Variants in CSMD1 observed in about 807,000 individuals in gnomAD.
CSMD1 encodes the protein CUB and sushi domain-containing protein 1.
Under a neutral mutation model 417.5 loss-of-function variants are expected in CSMD1, and 213 were observed. That is an observed-to-expected ratio of 0.51 (90% CI 0.46 to 0.57). The LOEUF (loss-of-function observed/expected upper bound fraction) is 0.57, where lower values mean the gene tolerates loss of function less well. CSMD1 is among the 20% of genes least tolerant of loss of function. The pLI, the probability that CSMD1 is intolerant of heterozygous loss-of-function variation, is 0.00. For synonymous variants in CSMD1, 2,862 were observed against 1,736.8 expected, an observed-to-expected ratio of 1.65 and a Z score of -16.11; for missense variants, 6,923 against 4,529.7, an observed-to-expected ratio of 1.53 and a Z score of -15.17.
At chr8:4,156,452 G>A (rs1157065947) in intron 3 of CSMD1, among the ~76,000 whole-genome samples, 1 of 152,054 alleles carries the variant, frequency 6.6e-6, no homozygotes, top group African/African-American at 2.4e-5. Context: ...ATATGCTATT[G>A]GTGCTAACTC....
chr8:4,277,478 T>TA (rs765996113), intron 3 of CSMD1, among the ~76,000 whole-genome samples: 2 of 152,112 alleles, frequency 1.3e-5, no homozygotes, highest in Non-Finnish European at 2.9e-5. Context: ...TGTACCGTCT[T>TA]AAAAAAGCAT....
chr8:3,464,220 A>G (rs1004461461), intron 12 of CSMD1, among the ~76,000 whole-genome samples: 1 of 152,060 alleles, frequency 6.6e-6, no homozygotes, highest in South Asian at 2.1e-4. Context: ...TTTTTTTTGT[A>G]ACCAAAAATG....
intron 3 of CSMD1, among the ~76,000 whole-genome samples, chr8:4,167,093 T>C (rs115907927): frequency 0.011 from 1,703 of 152,244 alleles, 30 homozygotes; most frequent in African/African-American, 0.038. Flanking sequence ...TGTAGATAAA[T>C]GTAAAACCCT....
intron 3 of CSMD1, among the ~76,000 whole-genome samples, chr8:4,409,044 G>T (rs1299019695): frequency 6.6e-6 from 1 of 152,056 alleles, no homozygotes; most frequent in Non-Finnish European, 1.5e-5. Context: ...TTGTCATTTG[G>T]GTGCACATTC....
chr8:4,429,186 A>T (rs1162505727), intron 2 of CSMD1, among the ~76,000 whole-genome samples: 1 of 151,262 alleles, frequency 6.6e-6, no homozygotes, highest in Non-Finnish European at 1.5e-5. Flanking sequence ...AATTGGATAG[A>T]ATTCTAAAAG....
chr8:4,433,375 C>T (rs6558881), intron 2 of CSMD1, among the ~76,000 whole-genome samples: 3,718 of 152,196 alleles, frequency 0.024, 154 homozygotes, highest in African/African-American at 0.084. Flanking sequence ...ATATCATGGA[C>T]ATGACATCAT....
chr8:4,168,265 G>T (rs1007765681), intron 3 of CSMD1, among the ~76,000 whole-genome samples: 8 of 151,252 alleles, frequency 5.3e-5, no homozygotes, highest in Non-Finnish European at 1.2e-4. Context: ...ATGGTAGGAT[G>T]CACCTGTACT....
intron 25 of CSMD1, among the ~76,000 whole-genome samples, chr8:3,290,635 T>C (rs534666202): frequency 4.1e-5 from 6 of 147,436 alleles, no homozygotes; most frequent in Admixed American, 6.7e-5. Flanking sequence ...TTGTCTGTTA[T>C]TGGCGTATGA....
chr8:3,974,745 G>C (rs1813314643), intron 5 of CSMD1, among the ~76,000 whole-genome samples: 1 of 151,364 alleles, frequency 6.6e-6, no homozygotes, highest in South Asian at 2.1e-4. Flanking sequence ...ACTAAATTTT[G>C]GTATACTTAC....
Position 4,471,452 on chromosome 8 carries a change from C to T in CSMD1, c.303-51387G>A, listed in dbSNP as rs547646765. Among the ~76,000 whole-genome samples the T allele has an allele frequency of 7.9e-5, 12 of 152,098 alleles. No homozygotes were observed. The South Asian group carries it at 2.3e-3, about 29-fold the overall frequency. On this transcript the variant is annotated intron_variant, in intron 2 of 69. Coordinates refer to ENST00000635120, the MANE Select transcript of CSMD1 (RefSeq NM_033225.6). ...AGCACGTAGCTGTCAGCAAGCCTCT[C>T]GACAAAATCATTCACAAGATGCATG...
intron 3 of CSMD1, among the ~76,000 whole-genome samples, chr8:4,281,672 C>T (rs1319039883): frequency 2.0e-5 from 3 of 152,092 alleles, no homozygotes; most frequent in Non-Finnish European, 2.9e-5. Flanking sequence ...TATATAGTAA[C>T]ATCTGTATGT....
intron 4 of CSMD1, among the ~76,000 whole-genome samples, chr8:4,004,086 G>C (rs923457044): frequency 6.6e-6 from 1 of 151,926 alleles, no homozygotes; most frequent in Non-Finnish European, 1.5e-5. Context: ...TGAAAAAGCA[G>C]AACAAATTTA....
chr8:3,424,283 G>C (rs1813681587), intron 12 of CSMD1, among the ~76,000 whole-genome samples: 1 of 152,050 alleles, frequency 6.6e-6, no homozygotes, highest in Non-Finnish European at 1.5e-5. Context: ...CAAAAGCCAG[G>C]TATTGCCTAG....
intron 3 of CSMD1, among the ~76,000 whole-genome samples, chr8:4,264,264 A>G (rs1384132423): frequency 1.3e-5 from 2 of 152,200 alleles, no homozygotes; most frequent in African/African-American, 4.8e-5. Context: ...GAATAGACTC[A>G]AACATTGCTA....
At chr8:3,591,298 T>G (rs1428212292) in intron 8 of CSMD1, among the ~76,000 whole-genome samples, 1 of 152,240 alleles carries the variant, frequency 6.6e-6, no homozygotes, top group African/African-American at 2.4e-5. Flanking sequence ...TTAACACTTC[T>G]GAAATTGCTC....
chr8:3,345,070 G>A (rs1464034311), intron 22 of CSMD1, among the ~76,000 whole-genome samples: 3 of 152,194 alleles, frequency 2.0e-5, no homozygotes, highest in Non-Finnish European at 4.4e-5. Flanking sequence ...GGGCTACCCC[G>A]TATACCATGG....
chr8:3,322,724 G>C, intron 23 of CSMD1, among the ~76,000 whole-genome samples: 1 of 152,188 alleles, frequency 6.6e-6, no homozygotes, highest in East Asian at 1.9e-4. Context: ...AGTGGGGCAA[G>C]GTTGCCCATC....
At chr8:4,089,973 T>C (rs1237471327) in intron 3 of CSMD1, among the ~76,000 whole-genome samples, 1 of 152,214 alleles carries the variant, frequency 6.6e-6, no homozygotes, top group Non-Finnish European at 1.5e-5. Flanking sequence ...TCAGATAGAA[T>C]GCCGCTATAA....
intron 1 of CSMD1, among the ~76,000 whole-genome samples, chr8:4,979,824 T>G (rs943986572): frequency 6.6e-6 from 1 of 152,028 alleles, no homozygotes; most frequent in African/African-American, 2.4e-5. Context: ...GATCACTAGG[T>G]CAGCAGATCT....
Sources: allele counts gnomAD v4.1 joint callset (sites outside exome capture counted in the v4.1 genomes callset), GRCh38; gene constraint gnomAD v4.1.1; transcripts MANE v1.5; gene names NCBI Gene and HGNC (gene_info 2026-07-23, HGNC 2026-07-21).